The following GPC2 variants were observed in gnomAD, a reference collection of about 807,000 sequenced individuals.
GPC2 encodes the protein glypican-2.
In GPC2, 42 loss-of-function variants were observed where a neutral mutation model predicts 57.3. The observed-to-expected ratio is 0.73, with a 90% confidence interval of 0.57 to 0.95. The LOEUF (loss-of-function observed/expected upper bound fraction) is 0.95, where lower values mean the gene tolerates loss of function less well. Ranked by LOEUF, GPC2 falls within the 40% of genes least tolerant of loss-of-function variation. The pLI is 0.00. For synonymous variants in GPC2, 364 were observed against 343.4 expected (o/e 1.06, Z -0.66); for missense variants, 745 against 793.6 (o/e 0.94, Z 0.74).
chr7:100,171,692 AG>A lies in GPC2; in HGVS notation c.1171-15del. Reference sequence around the variant, plus strand: ...GAGCTCCCACACCTGGGCGGGCGAGAGGGGGCGGGGCGAGCTGGAGCGCGAC... The same window carrying A: ...GAGCTCCCACACCTGGGCGGGCGAGAGGGGCGGGGCGAGCTGGAGCGCGAC... On this transcript the variant is annotated splice_polypyrimidine_tract_variant and intron_variant, in intron 7 of 9. Coordinates refer to ENST00000292377, the MANE Select transcript of GPC2 (RefSeq NM_152742.3). This position sits in a 1 kb window ranked among gnomAD's most constrained non-coding sequence, Gnocchi z 4.8. 1 of 1,482,314 alleles carries A rather than the reference AG, an allele frequency of 6.7e-7. No homozygotes were observed. Among genetic ancestry groups the A allele is most frequent in the South Asian group, 1.3e-5 (1 of 76,774 alleles). The allele number at this position is 1,482,314 out of a possible 1,614,324, so 91.8% of individuals were successfully genotyped here. A position where few individuals can be genotyped will look rare whatever the true frequency, so the allele number is the denominator to read the frequency against.
chr7:100,170,109 A>T lies in GPC2; in HGVS notation c.*121T>A. ...CCTGGATTTGGGGCCCCAGCCATTC[A>T]CCTGCAAAGTCCCTTCTCTACCCTC... On this transcript the variant is annotated 3_prime_UTR_variant, in exon 10 of 10. Transcript: ENST00000292377. 1 of 1,029,462 alleles carries T rather than the reference A, an allele frequency of 9.7e-7. No homozygotes were observed. The highest frequency in any genetic ancestry group is 1.3e-6 in the Non-Finnish European group (1 of 754,000). The allele number at this position is 1,029,462 out of a possible 1,614,324, so 63.8% of individuals were successfully genotyped here. A position where few individuals can be genotyped will look rare whatever the true frequency, so the allele number is the denominator to read the frequency against.
chr7:100,170,408 GCT>G lies in GPC2; in HGVS notation c.1560_1561del (p.Ala521ProfsTer10), dbSNP rs764869323. On this transcript the variant is annotated frameshift_variant, in exon 10 of 10. Coordinates refer to ENST00000292377, the MANE Select transcript of GPC2 (RefSeq NM_152742.3). LOFTEE classifies it high-confidence loss of function. The stretch of plus-strand genomic sequence containing the variant: ...AGGGTATGGAGGCCGAGGAGGCCGG[GCT>G]GGGGGAGCCACAGCCCCAGCCATCC... The G allele has an allele frequency of 3.1e-6, 5 of 1,609,784 alleles. No individual in the cohort carries two copies. Among genetic ancestry groups the G allele is most frequent in the Non-Finnish European group, 4.2e-6 (5 of 1,177,874 alleles).
chr7:100,173,762 C>A, intron 5 of GPC2, 73 bp downstream of exon 5: 1 of 1,261,994 alleles, frequency 7.9e-7, no homozygotes, highest in Non-Finnish European at 1.1e-6. Context: ...CCTCCTGCCT[C>A]AGCCTCTCAA....
intron 3 of GPC2, 48 bp downstream of exon 3, chr7:100,175,524 G>A (rs138486575): frequency 1.0e-5 from 15 of 1,459,896 alleles, no homozygotes; most frequent in East Asian, 2.4e-5. Flanking sequence ...ACAGTTCAGG[G>A]GTCACTAGGT....
intron 4 of GPC2, 177 bp downstream of exon 4, chr7:100,174,508 C>A: frequency 1.4e-6 from 1 of 692,470 alleles, no homozygotes; most frequent in South Asian, 1.5e-5. Flanking sequence ...GATCGTGGAC[C>A]ATTGGAGGTT....
chr7:100,173,937 G>T lies in GPC2; in HGVS notation c.790C>A (p.Arg264=), dbSNP rs200808996. ...LMRLIGCPLC[R]GVPSLMPCQG... is the part of the protein sequence containing the mutation. Reference sequence around the variant, plus strand: ...CAGGGCATAAGTGAGGGGACCCCCCGGCACAGGGGACAGCCGATGAGACGC... The same window carrying T: ...CAGGGCATAAGTGAGGGGACCCCCCTGCACAGGGGACAGCCGATGAGACGC... Residue 264 remains arginine (R), a synonymous_variant, in exon 5 of 10, where the codon CGG becomes AGG. Coordinates refer to ENST00000292377, the MANE Select transcript of GPC2 (RefSeq NM_152742.3). The T allele has an allele frequency of 3.5e-5, 56 of 1,602,590 alleles. No individual in the cohort carries two copies. Among genetic ancestry groups the T allele is most frequent in the Admixed American group, 5.1e-5 (3 of 58,700 alleles).
In GPC2 at chr7:100,170,159, C is replaced by T. The variant is rs555622708; in HGVS notation, c.*71G>A. 116 of 1,462,538 alleles carry T rather than the reference C, an allele frequency of 7.9e-5. No homozygotes were observed. In the African/African-American group the frequency reaches 1.5e-3, roughly 19 times the overall value. The allele number at this position is 1,462,538 out of a possible 1,614,324, so 90.6% of individuals were successfully genotyped here. ...CTCTGCAGCCCCCTTCGACTCCTCC[C>T]CAGGCCCAGCTGAGGGGGGAGGAGG... On this transcript the variant is annotated 3_prime_UTR_variant, in exon 10 of 10. Coordinates refer to ENST00000292377, the MANE Select transcript of GPC2 (RefSeq NM_152742.3).
Position 100,175,002 on chromosome 7 carries a change from TAG to T in GPC2, c.649-239_649-238del, listed in dbSNP as rs199875276. On this transcript the variant is annotated intron_variant, in intron 3 of 9. Transcript: ENST00000292377. ...TGGAGGGATTATGTTGTACAGGGCTTAGAGAGAGAGAAATTGTGTATCGGAAC... is the reference window on the plus strand; with the variant it reads ...TGGAGGGATTATGTTGTACAGGGCTTAGAGAGAGAAATTGTGTATCGGAAC... 5.4e-3 allele frequency among the ~76,000 whole-genome samples: 820 copies of T among 152,018 alleles called. 4 individuals carry two copies. Among genetic ancestry groups the T allele is most frequent in the Middle Eastern group, 0.041 (12 of 294 alleles).
Position 100,170,330 on chromosome 7 carries a change from T to C in GPC2, c.1640A>G (p.Asn547Ser). The C allele has an allele frequency of 2.5e-6, 4 of 1,612,844 alleles. No homozygotes were observed. Among genetic ancestry groups the C allele is most frequent in the Non-Finnish European group, 2.5e-6 (3 of 1,179,542 alleles). Residue 547 changes from asparagine to serine, a missense_variant, in exon 10 of 10, where the codon AAC becomes AGC. Around this residue, in one of 2 missense-constraint regions of GPC2, gnomAD observed 607 missense variants for 603.9 expected, o/e 1.01. Transcript: ENST00000292377. ...CCCCCCACTCCTGCTCCGGCCCTGG[T>C]TGTAGCGGGCACTGCCACCTCCTCC... Reference protein sequence around the residue: ...GKGGGGSARYNQGRSRSGGAS... With the variant: ...GKGGGGSARYSQGRSRSGGAS...
Position 100,171,783 on chromosome 7 carries a change from C to A in GPC2, c.1166G>T (p.Arg389Leu). The change falls in exon 7 of 10, where the codon CGG becomes CTG. Residue 389 changes from arginine (R) to leucine (L), a missense_variant. Around this residue, in one of 2 missense-constraint regions of GPC2, gnomAD observed 607 missense variants for 603.9 expected, o/e 1.01. Transcript: ENST00000292377. The surrounding 1 kb of genome is among the most constrained non-coding windows in gnomAD (Gnocchi z 4.8). The stretch of plus-strand genomic sequence containing the variant: ...ACTCTTGGTCATCCCACGCACCAGC[C>A]GGTGCAGGTTGGTGCCTGCGGCCGT... ...PTTAAGTNLH[R>L]LVWELRERLA... 6.4e-7 allele frequency: 1 copy of A among 1,559,268 alleles called. No individual in the cohort carries two copies.
chr7:100,171,156 A>T lies in GPC2; in HGVS notation c.1486+105T>A. ...TGCTCGTTGAATGAATTAGTGAATT[A>T]ATCAATGAACGCTAAGAGCAGAGGC... On this transcript the variant is annotated intron_variant, in intron 9 of 9. Transcript: ENST00000292377. This position sits in a 1 kb window ranked among gnomAD's most constrained non-coding sequence, Gnocchi z 4.8. 3.0e-6 allele frequency: 3 copies of T among 1,002,530 alleles called. No homozygotes were observed. Among genetic ancestry groups the T allele is most frequent in the South Asian group, 1.8e-5 (1 of 56,578 alleles). The allele number at this position is 1,002,530 out of a possible 1,614,324, so 62.1% of individuals were successfully genotyped here. A position where few individuals can be genotyped will look rare whatever the true frequency, so the allele number is the denominator to read the frequency against.
chr7:100,176,084 T>TGGGGGGG, intron 2 of GPC2, 123 bp downstream of exon 2: 1 of 129,100 alleles, frequency 7.7e-6, no homozygotes, highest in Non-Finnish European at 1.0e-5. Context: ...GTCTGGGGGG[T>TGGGGGGG]GGGCGGGCTG....
Position 100,170,418 on chromosome 7 carries a change from C to G in GPC2, c.1552G>C (p.Ala518Pro), listed in dbSNP as rs1372533058. 6.2e-7 allele frequency: 1 copy of G among 1,608,304 alleles called. No homozygotes were observed. Among genetic ancestry groups the G allele is most frequent in the African/African-American group, 1.3e-5 (1 of 74,788 alleles). Residue 518 changes from alanine (A) to proline (P), a missense_variant, in exon 10 of 10, where the codon GCT becomes CCT. Physicochemically the swap from Ala to Pro is conservative, Grantham distance 27. Transcript: ENST00000292377. ...GGCCGAGGAGGCCGGGCTGGGGGAG[C>G]CACAGCCCCAGCCATCCAGTCATCT... ...YADDWMAGAV[A>P]PPARPPRPPY...
At position 100,171,202 on chromosome 7, in the gene GPC2, G is replaced by A. The variant is rs1273290171; in HGVS notation, c.1486+59C>T. 2.1e-5 allele frequency: 30 copies of A among 1,407,908 alleles called. No individual in the cohort carries two copies. The highest frequency in any genetic ancestry group is 2.5e-4 in the Middle Eastern group (1 of 4,006). The allele number at this position is 1,407,908 out of a possible 1,614,324, so 87.2% of individuals were successfully genotyped here. On this transcript the variant is annotated intron_variant, in intron 9 of 9. Coordinates refer to ENST00000292377, the MANE Select transcript of GPC2 (RefSeq NM_152742.3). This position sits in a 1 kb window ranked among gnomAD's most constrained non-coding sequence, Gnocchi z 4.8. Reference sequence around the variant, plus strand: ...GAGGCACGGGCGGGAACTACCAGGAGAGGGGAGAGGCTTCAGGGCAGTGGG... The same window carrying A: ...GAGGCACGGGCGGGAACTACCAGGAAAGGGGAGAGGCTTCAGGGCAGTGGG...
intron 2 of GPC2, 145 bp from the exon 3 acceptor site, chr7:100,176,039 C>T: frequency 1.6e-6 from 1 of 627,748 alleles, no homozygotes; most frequent in Non-Finnish European, 2.4e-6. Context: ...ATGGGGCAGA[C>T]AGGGAATGGG....
chr7:100,173,026 A>G (rs1443407639), intron 5 of GPC2, among the ~76,000 whole-genome samples: 1 of 151,932 alleles, frequency 6.6e-6, no homozygotes, highest in Non-Finnish European at 1.5e-5. Context: ...GGTGCATGCC[A>G]CCACGCCTGG....
At position 100,171,183 on chromosome 7, in the gene GPC2, C is replaced by T; in HGVS notation, c.1486+78G>A. 1 of 1,263,264 alleles carries T rather than the reference C, an allele frequency of 7.9e-7. No homozygotes were observed. The highest frequency in any genetic ancestry group is 1.1e-6 in the Non-Finnish European group (1 of 939,662). The allele number at this position is 1,263,264 out of a possible 1,614,324, so 78.3% of individuals were successfully genotyped here. A position where few individuals can be genotyped will look rare whatever the true frequency, so the allele number is the denominator to read the frequency against. The stretch of plus-strand genomic sequence containing the variant: ...TCAATGAACGCTAAGAGCAGAGGCA[C>T]GGGCGGGAACTACCAGGAGAGGGGA... On this transcript the variant is annotated intron_variant, in intron 9 of 9. Coordinates refer to ENST00000292377, the MANE Select transcript of GPC2 (RefSeq NM_152742.3). This position sits in a 1 kb window ranked among gnomAD's most constrained non-coding sequence, Gnocchi z 4.8.
In GPC2 at chr7:100,170,208, ATGCT is replaced by A. The variant is rs1463521247; in HGVS notation, c.*18_*21del. ...GGGGAAAGGGCCATGAACCCTTCTG[ATGCT>A]AGGGCACCCCTCCCCCGTTATCGAG... is the stretch of plus-strand genomic sequence containing the variant. On this transcript the variant is annotated 3_prime_UTR_variant, in exon 10 of 10. Transcript: ENST00000292377. 1.3e-6 allele frequency: 2 copies of A among 1,534,746 alleles called. No homozygotes were observed. Among genetic ancestry groups the A allele is most frequent in the Non-Finnish European group, 1.8e-6 (2 of 1,137,686 alleles).
Position 100,175,652 on chromosome 7 carries a change from G to A in GPC2, c.568C>T (p.Leu190Phe). The A allele has an allele frequency of 6.2e-7, 1 of 1,614,156 alleles. No individual in the cohort carries two copies. The highest frequency in any genetic ancestry group is 8.5e-7 in the Non-Finnish European group (1 of 1,180,008). Reference sequence around the variant, plus strand: ...GATGAGGCCAAGCGTGAGAGGCAGAGCAGGTAGTCAGGGGGGAAGCTGTAC... The same window carrying A: ...GATGAGGCCAAGCGTGAGAGGCAGAACAGGTAGTCAGGGGGGAAGCTGTAC... ...PQYSFPPDYL[L>F]CLSRLASSTD... The change falls in exon 3 of 10, where the codon CTC (leucine) becomes TTC (phenylalanine). Residue 190 changes from leucine (L) to phenylalanine (F), a missense_variant. Leu to Phe is a conservative substitution (Grantham distance 22). This residue lies in a region of GPC2 where 607 missense variants were observed against 603.9 expected (regional missense o/e 1.01). Transcript: ENST00000292377.
Sources: allele counts gnomAD v4.1 joint callset (sites outside exome capture counted in the v4.1 genomes callset), GRCh38; gene constraint gnomAD v4.1.1; regional missense constraint gnomAD v4.1.1; non-coding constraint Gnocchi (gnomAD v3.1); transcripts MANE v1.5; gene names NCBI Gene and HGNC (gene_info 2026-07-23, HGNC 2026-07-21).